Variants in ANTXR1 observed in about 807,000 individuals in gnomAD.
ANTXR1 encodes anthrax toxin receptor 1.
A neutral mutation model predicts 78.1 loss-of-function variants in ANTXR1; 19 were observed. That is an observed-to-expected ratio of 0.24 (90% confidence interval 0.17 to 0.36). The LOEUF (loss-of-function observed/expected upper bound fraction) is 0.36. Among genes scored for constraint, ANTXR1 ranks in the 10% least tolerant of loss-of-function variants. The pLI, the probability that ANTXR1 is intolerant of heterozygous loss-of-function variation, is 1.00. For missense variants in ANTXR1, 518 were observed against 718.6 expected, an observed-to-expected ratio of 0.72 and a Z score of 3.19; for synonymous variants, 273 against 260.5, an observed-to-expected ratio of 1.05 and a Z score of -0.46.
At chr2:69,178,686 G>C (rs1328134520) in intron 14 of ANTXR1, among the ~76,000 whole-genome samples, 1 of 152,182 alleles carries the variant, frequency 6.6e-6, no homozygotes, top group Non-Finnish European at 1.5e-5. Flanking sequence ...CACTCAGCGG[G>C]GTTGCGAATT....
chr2:69,237,069 T>C (rs1406248842), intron 17 of ANTXR1, among the ~76,000 whole-genome samples: 1 of 152,240 alleles, frequency 6.6e-6, no homozygotes, highest in Non-Finnish European at 1.5e-5. Flanking sequence ...ATCTCAACAT[T>C]AATTCTTGAC....
chr2:69,171,339 G>T (rs2104452365), intron 14 of ANTXR1, among the ~76,000 whole-genome samples: 1 of 152,320 alleles, frequency 6.6e-6, no homozygotes, highest in East Asian at 1.9e-4. Flanking sequence ...ATCAAGGGAG[G>T]AAATTACATT....
intron 16 of ANTXR1, among the ~76,000 whole-genome samples, chr2:69,192,811 G>A (rs545370443): frequency 6.6e-6 from 1 of 152,136 alleles, no homozygotes; most frequent in Non-Finnish European, 1.5e-5. Context: ...TCAAGCCCAG[G>A]CTTCAGAGCA....
intron 12 of ANTXR1, among the ~76,000 whole-genome samples, chr2:69,126,420 G>A (rs1672541325): frequency 6.6e-6 from 1 of 152,182 alleles, no homozygotes; most frequent in East Asian, 1.9e-4. Context: ...ACTGTATGCA[G>A]AAGTGTTGAA....
intron 3 of ANTXR1, among the ~76,000 whole-genome samples, chr2:69,045,907 A>G (rs1669754016): frequency 6.6e-6 from 1 of 152,190 alleles, no homozygotes; most frequent in South Asian, 2.1e-4. Context: ...AATAGCAAAC[A>G]GAACCCAGAC....
At chr2:69,099,742 G>A (rs1278199590) in intron 9 of ANTXR1, among the ~76,000 whole-genome samples, 1 of 152,140 alleles carries the variant, frequency 6.6e-6, no homozygotes, top group Non-Finnish European at 1.5e-5. Context: ...AAAATAAACA[G>A]GATTAGACCT....
In ANTXR1 at chr2:69,145,454, A is replaced by G. The variant is rs78775089; in HGVS notation, c.952-6715A>G. ...GAGGAGCCAAACATGCTCGGTTTAC[A>G]CTTTCCTTATTTACTGAATGAGTGG... On this transcript the variant is annotated intron_variant, in intron 12 of 17. Transcript: ENST00000303714. 5,605 of 1,541,138 alleles carry G rather than the reference A, an allele frequency of 3.6e-3. 172 individuals are homozygous for G. The African/African-American group carries it at 0.066, about 18-fold the overall frequency.
intron 17 of ANTXR1, among the ~76,000 whole-genome samples, chr2:69,224,980 C>T (rs369156000): frequency 2.1e-4 from 29 of 137,754 alleles, no homozygotes; most frequent in African/African-American, 7.1e-4. Flanking sequence ...ACCCTCCCTC[C>T]GTTTTCTGTG....
intron 3 of ANTXR1, among the ~76,000 whole-genome samples, chr2:69,045,150 G>A (rs1669724788): frequency 6.6e-6 from 1 of 152,102 alleles, no homozygotes; most frequent in African/African-American, 2.4e-5. Context: ...TTTTACTTAA[G>A]TTAGACTTAT....
intron 10 of ANTXR1, among the ~76,000 whole-genome samples, chr2:69,111,320 T>C (rs535996299): frequency 1.3e-5 from 2 of 152,292 alleles, no homozygotes; most frequent in South Asian, 4.1e-4. Flanking sequence ...TTCAGAGAGA[T>C]TCAAATGCTA....
chr2:69,203,732 T>TTCC (rs1324801586), intron 17 of ANTXR1, among the ~76,000 whole-genome samples: 2 of 151,072 alleles, frequency 1.3e-5, no homozygotes, highest in African/African-American at 4.9e-5. Context: ...TTCACACACA[T>TTCC]TCCTCCTCCT....
intron 3 of ANTXR1, among the ~76,000 whole-genome samples, chr2:69,047,123 AG>A (rs1669792517): frequency 6.6e-6 from 1 of 152,174 alleles, no homozygotes; most frequent in South Asian, 2.1e-4. Flanking sequence ...TAGTATATGC[AG>A]GTTCTGCAGG....
In ANTXR1 at chr2:69,013,878, G is replaced by C. The variant is rs533983891; in HGVS notation, c.152+227G>C. Among the ~76,000 whole-genome samples, 7 of 152,316 alleles carry C rather than the reference G, an allele frequency of 4.6e-5. No homozygotes were observed. In the East Asian group the frequency reaches 1.4e-3, roughly 29 times the overall value. ...GAGGCGACGCCGCTTGCTCGGAAGG[G>C]GACAGACTTCTTTTCTGTCTTGCTT... On this transcript the variant is annotated intron_variant, in intron 1 of 17. Transcript: ENST00000303714. This position sits in a 1 kb window ranked among gnomAD's most constrained non-coding sequence, Gnocchi z 5.0.
intron 1 of ANTXR1, among the ~76,000 whole-genome samples, chr2:69,037,982 G>C (rs1669495729): frequency 6.6e-6 from 1 of 151,980 alleles, no homozygotes; most frequent in Non-Finnish European, 1.5e-5. Context: ...GAAACCACTT[G>C]CTCTTCCCCA....
chr2:69,041,689 C>T (rs772279334), intron 2 of ANTXR1, among the ~76,000 whole-genome samples: 1 of 152,238 alleles, frequency 6.6e-6, no homozygotes, highest in Non-Finnish European at 1.5e-5. Flanking sequence ...ACATCTTTCT[C>T]AGTTCCCTCA....
chr2:69,020,879 C>T (rs1005074729), intron 1 of ANTXR1, among the ~76,000 whole-genome samples: 3 of 152,230 alleles, frequency 2.0e-5, no homozygotes, highest in African/African-American at 7.2e-5. Context: ...CAAGTGTGTA[C>T]TCCAATACAT....
intron 9 of ANTXR1, among the ~76,000 whole-genome samples, chr2:69,093,345 G>A (rs1037464500): frequency 1.3e-5 from 2 of 152,138 alleles, no homozygotes; most frequent in African/African-American, 4.8e-5. Context: ...AATAGACAAA[G>A]ATAGAGTAAG....
intron 10 of ANTXR1, chr2:69,103,324 G>T: frequency 3.0e-6 from 1 of 337,058 alleles, no homozygotes; most frequent in Admixed American, 4.1e-5. Flanking sequence ...TGGTTAATTA[G>T]GACTGCAGAA....
chr2:69,247,994 T>C lies in ANTXR1; in HGVS notation c.*2509T>C, dbSNP rs1676058061. On this transcript the variant is annotated 3_prime_UTR_variant, in exon 18 of 18. Coordinates refer to ENST00000303714, the MANE Select transcript of ANTXR1 (RefSeq NM_032208.3). ...ACTCAGTGTGTCATCCCCGGTTATTTAGAATTACAGTTAAGAAGGAGAAAC... is the reference window on the plus strand; with the variant it reads ...ACTCAGTGTGTCATCCCCGGTTATTCAGAATTACAGTTAAGAAGGAGAAAC... 6.3e-6 allele frequency: 1 copy of C among 159,384 alleles called. No individual in the cohort carries two copies. Among genetic ancestry groups the C allele is most frequent in the Non-Finnish European group, 1.5e-5 (1 of 68,086 alleles). The allele number at this position is 159,384 out of a possible 1,614,324, so 9.9% of individuals were successfully genotyped here. A position where few individuals can be genotyped will look rare whatever the true frequency, so the allele number is the denominator to read the frequency against.
Sources: gnomAD v4.1 joint callset for allele counts (sites outside exome capture counted in the v4.1 genomes callset) on GRCh38, gnomAD v4.1.1 for gene constraint, Gnocchi (gnomAD v3.1) non-coding constraint, MANE v1.5 for transcripts, NCBI Gene and HGNC (gene_info 2026-07-23, HGNC 2026-07-21) for gene names.